NAALADL2: variants seen among roughly 807,000 people sequenced by gnomAD.
The protein encoded by NAALADL2 is inactive N-acetylated-alpha-linked acidic dipeptidase-like protein 2.
NAALADL2 carries 76 observed loss-of-function variants against 87.2 expected under a neutral mutation model. The observed-to-expected ratio is 0.87, with a 90% CI of 0.72 to 1.05. NAALADL2 has a LOEUF of 1.05. NAALADL2 is among the 50% of genes least tolerant of loss of function. The pLI, the probability that NAALADL2 is intolerant of heterozygous loss-of-function variation, is 0.00. For synonymous variants in NAALADL2, 354 were observed against 331.0 expected (o/e 1.07, Z -0.75); for missense variants, 1,089 against 945.8 (o/e 1.15, Z -1.99).
intron 2 of NAALADL2, among the ~76,000 whole-genome samples, chr3:175,106,865 A>G (rs1298685270): frequency 6.6e-6 from 1 of 151,998 alleles, no homozygotes; most frequent in Non-Finnish European, 1.5e-5. Context: ...AGTGATTTAC[A>G]GGGGAACATT....
At chr3:174,624,810 T>A (rs957139086) in intron 2 of NAALADL2, among the ~76,000 whole-genome samples, 1 of 152,180 alleles carries the variant, frequency 6.6e-6, no homozygotes, top group Non-Finnish European at 1.5e-5. Flanking sequence ...CAGTGCTGTT[T>A]ATTTACTTTT....
intron 3 of NAALADL2, among the ~76,000 whole-genome samples, chr3:174,744,558 A>C (rs1251106446): frequency 6.6e-6 from 1 of 152,124 alleles, no homozygotes; most frequent in Admixed American, 6.5e-5. Flanking sequence ...AAAATTAACA[A>C]GGATATTCAG....
chr3:175,077,078 G>A (rs1559994686), intron 1 of NAALADL2, among the ~76,000 whole-genome samples: 1 of 151,916 alleles, frequency 6.6e-6, no homozygotes, highest in East Asian at 1.9e-4. Context: ...GTGTTCAATA[G>A]AAAAAAAATG....
chr3:175,314,794 A>C (rs906207960), intron 4 of NAALADL2, among the ~76,000 whole-genome samples: 1 of 146,628 alleles, frequency 6.8e-6, no homozygotes, highest in Admixed American at 6.9e-5. Context: ...GTCAAGCAAA[A>C]TAGCATCCAT....
At chr3:175,742,951 A>G (rs1449195316) in intron 12 of NAALADL2, among the ~76,000 whole-genome samples, 1 of 151,958 alleles carries the variant, frequency 6.6e-6, no homozygotes, top group Non-Finnish European at 1.5e-5. Context: ...TATCTCTGGA[A>G]TAAAAGTTTT....
chr3:174,801,825 A>G (rs1367827320), intron 3 of NAALADL2, among the ~76,000 whole-genome samples: 1 of 151,936 alleles, frequency 6.6e-6, no homozygotes, highest in Non-Finnish European at 1.5e-5. Context: ...TGTTTAAAGC[A>G]TGTGTTTAAT....
At chr3:174,524,831 T>G (rs935006967) in intron 1 of NAALADL2, among the ~76,000 whole-genome samples, 7 of 152,154 alleles carry the variant, frequency 4.6e-5, no homozygotes, top group Admixed American at 1.3e-4. Flanking sequence ...TGAGCCACCA[T>G]GCGCGGCCTA....
chr3:174,812,104 C>G (rs1190034961), intron 3 of NAALADL2, among the ~76,000 whole-genome samples: 2 of 152,084 alleles, frequency 1.3e-5, no homozygotes, highest in Non-Finnish European at 2.9e-5. Flanking sequence ...AACCATGAGC[C>G]AATTAATCAT....
At chr3:174,858,079 A>T (rs1451596825), upstream of NAALADL2, among the ~76,000 whole-genome samples, 2 of 148,746 alleles carry the variant, frequency 1.3e-5, no homozygotes, top group Non-Finnish European at 3.0e-5. Flanking sequence ...GTGTAACTAC[A>T]GCCTATATAT....
chr3:175,007,495 G>A (rs1749191777), intron 1 of NAALADL2, among the ~76,000 whole-genome samples: 1 of 152,130 alleles, frequency 6.6e-6, no homozygotes, highest in African/African-American at 2.4e-5. Context: ...GTCTAAAAAT[G>A]GTTTCTGGCT....
chr3:174,453,109 A>G (rs1486090221), intron 1 of NAALADL2, among the ~76,000 whole-genome samples: 3 of 152,232 alleles, frequency 2.0e-5, no homozygotes, highest in East Asian at 3.8e-4. Context: ...GATATAGCTG[A>G]AAAACACACT....
intron 1 of NAALADL2, among the ~76,000 whole-genome samples, chr3:175,039,791 T>G (rs2108961588): frequency 6.6e-6 from 1 of 152,286 alleles, no homozygotes; most frequent in African/African-American, 2.4e-5. Context: ...CATATTCCAT[T>G]TTTCCAAAGC....
At chr3:175,199,990 A>G (rs919721710) in intron 2 of NAALADL2, among the ~76,000 whole-genome samples, 2 of 148,830 alleles carry the variant, frequency 1.3e-5, no homozygotes, top group Non-Finnish European at 3.0e-5. Flanking sequence ...AGAAATAAAT[A>G]CTCTTTCAGA....
rs139509234 is a variant in NAALADL2, at chr3:175,443,728, T to A, written c.1091-3501T>A. ...AACTCCCGTTATGTACCTGACAAGG[T>A]GCCAGGCATTGTGTATCATACAATG... On this transcript the variant is annotated intron_variant, in intron 5 of 13. Coordinates refer to ENST00000454872, the MANE Select transcript of NAALADL2 (RefSeq NM_207015.3). Among the ~76,000 whole-genome samples the A allele has an allele frequency of 1.5e-4, 23 of 152,348 alleles. No homozygotes were observed. The East Asian group carries it at 4.4e-3, about 29-fold the overall frequency.
intron 2 of NAALADL2, among the ~76,000 whole-genome samples, chr3:175,197,575 G>A (rs755402761): frequency 2.0e-5 from 3 of 151,880 alleles, no homozygotes; most frequent in Non-Finnish European, 2.9e-5. Context: ...GAACTTCGAG[G>A]CACAAGGAAG....
chr3:175,211,158 G>T (rs1011381621), intron 2 of NAALADL2, among the ~76,000 whole-genome samples: 1 of 151,738 alleles, frequency 6.6e-6, no homozygotes, highest in African/African-American at 2.4e-5. Context: ...AGAGAAGGTG[G>T]GGGCATTGCT....
At position 175,664,582 on chromosome 3, in the gene NAALADL2, A is replaced by T. The variant is rs183872291; in HGVS notation, c.1896+37196A>T. On this transcript the variant is annotated intron_variant, in intron 11 of 13. Transcript: ENST00000454872. ...ATCTGCTGAAAAGACTCTGAATAAA[A>T]TTTTTATATAAAGAACTTAGCCATA... 3.1e-4 allele frequency among the ~76,000 whole-genome samples: 47 copies of T among 149,310 alleles called. No individual in the cohort carries two copies. The East Asian group carries it at 8.9e-3, about 28-fold the overall frequency.
intron 3 of NAALADL2, among the ~76,000 whole-genome samples, chr3:174,835,254 G>T (rs1201107938): frequency 1.3e-5 from 2 of 152,008 alleles, no homozygotes; most frequent in South Asian, 2.1e-4. Flanking sequence ...ACTATTTAAT[G>T]GGGAAAAGAC....
At chr3:174,998,908 C>G (rs879663833) in intron 1 of NAALADL2, among the ~76,000 whole-genome samples, 1 of 152,104 alleles carries the variant, frequency 6.6e-6, no homozygotes, top group African/African-American at 2.4e-5. Flanking sequence ...GAATAATCAT[C>G]TATTAGAAGA....
Sources: gnomAD v4.1 joint callset for allele counts (sites outside exome capture counted in the v4.1 genomes callset) on GRCh38, gnomAD v4.1.1 for gene constraint, MANE v1.5 for transcripts, NCBI Gene and HGNC (gene_info 2026-07-23, HGNC 2026-07-21) for gene names.